Variants in CGA observed in about 807,000 individuals in gnomAD.
The protein encoded by CGA is glycoprotein hormones, alpha polypeptide.
A neutral mutation model predicts 12.0 loss-of-function variants in CGA; 4 were observed. The observed-to-expected ratio is 0.33, with a 90% CI of 0.16 to 0.76. The LOEUF is 0.76. Ranked by LOEUF, CGA falls within the 30% of genes least tolerant of loss-of-function variation. The pLI is 0.60. For synonymous variants in CGA, 60 were observed against 56.6 expected (o/e 1.06, Z -0.27); for missense variants, 102 against 143.5 (o/e 0.71, Z 1.48).
At chr6:87,086,992 T>A (rs1313803776) in intron 2 of CGA, among the ~76,000 whole-genome samples, 1 of 151,772 alleles carries the variant, frequency 6.6e-6, no homozygotes, top group African/African-American at 2.4e-5. Context: ...GGCAGAAGAA[T>A]CACTAGAACC....
At chr6:87,086,459 G>A (rs750514575) in intron 2 of CGA, 25 bp from the exon 3 acceptor site, 1 of 1,577,678 alleles carries the variant, frequency 6.3e-7, no homozygotes, top group South Asian at 1.2e-5. Context: ...AAAAGGCAGA[G>A]TAAAATATCC....
intron 1 of CGA, among the ~76,000 whole-genome samples, chr6:87,091,713 C>G (rs1049450066): frequency 2.0e-5 from 3 of 152,166 alleles, no homozygotes; most frequent in African/African-American, 7.2e-5. Flanking sequence ...CTTTTCAGTT[C>G]ATCTACTTCA....
intron 1 of CGA, among the ~76,000 whole-genome samples, chr6:87,092,909 G>A (rs955015078): frequency 4.6e-5 from 7 of 151,834 alleles, no homozygotes; most frequent in African/African-American, 1.5e-4. Context: ...CAGCAAGCCC[G>A]GCTAATTTGG....
In CGA at chr6:87,085,651, GGTAAGGA is replaced by G. The variant is rs1769304080; in HGVS notation, c.*98_*104del. On this transcript the variant is annotated 3_prime_UTR_variant, in exon 4 of 4. Coordinates refer to ENST00000627148, the MANE Select transcript of CGA (RefSeq NM_000735.4). ...TCCTTGAAGCGTGTCAAAGTGGTAT[GGTAAGGA>G]AAAGGAGAGTTTTATCTCACAAAGC... is the stretch of plus-strand genomic sequence containing the variant. The G allele has an allele frequency of 1.3e-6, 1 of 771,916 alleles. No individual in the cohort carries two copies. The allele number at this position is 771,916 out of a possible 1,614,324, so 47.8% of individuals were successfully genotyped here.
chr6:87,086,405 G>C lies in CGA; in HGVS notation c.118C>G (p.Pro40Ala). The change falls in exon 3 of 4, where the codon CCA becomes GCA. Residue 40 changes from proline (P) to alanine (A), a missense_variant. Transcript: ENST00000627148. ...DCPECTLQEN[P>A]FFSQPGAPIL... is the part of the protein sequence containing the mutation. The stretch of plus-strand genomic sequence containing the variant: ...GGGGCACCCGGCTGGGAGAAGAATG[G>C]GTTTTCCTGTAGCGTGCATTCTGGG... 2.5e-6 allele frequency: 4 copies of C among 1,612,556 alleles called. No homozygotes were observed. Among genetic ancestry groups the C allele is most frequent in the South Asian group, 2.2e-5 (2 of 90,740 alleles).
chr6:87,087,897 C>A, intron 2 of CGA: 1 of 343,482 alleles, frequency 2.9e-6, no homozygotes, highest in Non-Finnish European at 5.2e-6. Context: ...GTATAGGCTG[C>A]TGCATAAATG....
At chr6:87,090,443 G>C (rs1769409592) in intron 1 of CGA, among the ~76,000 whole-genome samples, 2 of 151,930 alleles carry the variant, frequency 1.3e-5, no homozygotes, top group African/African-American at 4.8e-5. Flanking sequence ...TTGCAAAAGG[G>C]TAAAACAATG....
At chr6:87,086,496 G>A (rs777502297) in intron 2 of CGA, 62 bp from the exon 3 acceptor site, 2 of 1,492,836 alleles carry the variant, frequency 1.3e-6, no homozygotes, top group Non-Finnish European at 1.8e-6. Context: ...GAATCTATGA[G>A]GCCAGCACAG....
intron 1 of CGA, among the ~76,000 whole-genome samples, chr6:87,089,373 A>ATGTGTG (rs71014985): frequency 6.6e-6 from 1 of 151,162 alleles, no homozygotes; most frequent in African/African-American, 2.4e-5. Context: ...CACTAGTATT[A>ATGTGTG]TGTGTGTGTG....
At chr6:87,088,623 A>G (rs891706734) in intron 1 of CGA, among the ~76,000 whole-genome samples, 3 of 152,166 alleles carry the variant, frequency 2.0e-5, no homozygotes, top group African/African-American at 7.2e-5. Context: ...AAAATATACA[A>G]TCATTTGATG....
At position 87,085,709 on chromosome 6, in the gene CGA, C is replaced by T. The variant is rs1350702981; in HGVS notation, c.*47G>A. 7.5e-7 allele frequency: 1 copy of T among 1,330,470 alleles called. No homozygotes were observed. Among genetic ancestry groups the T allele is most frequent in the Non-Finnish European group, 1.1e-6 (1 of 927,998 alleles). The allele number at this position is 1,330,470 out of a possible 1,614,324, so 82.4% of individuals were successfully genotyped here. On this transcript the variant is annotated 3_prime_UTR_variant, in exon 4 of 4. Coordinates refer to ENST00000627148, the MANE Select transcript of CGA (RefSeq NM_000735.4). ...CATAAACACTAAACAACTTAATTTTCCATTCCAGAAAATCAGCAGTCATCA... is the reference window on the plus strand; with the variant it reads ...CATAAACACTAAACAACTTAATTTTTCATTCCAGAAAATCAGCAGTCATCA...
intron 1 of CGA, among the ~76,000 whole-genome samples, chr6:87,092,254 A>T (rs1025670790): frequency 2.0e-5 from 3 of 152,204 alleles, no homozygotes; most frequent in African/African-American, 7.2e-5. Flanking sequence ...CACGTCAAAC[A>T]GTGGTATGTC....
chr6:87,090,747 C>T (rs1344991776), intron 1 of CGA, among the ~76,000 whole-genome samples: 1 of 149,688 alleles, frequency 6.7e-6, no homozygotes, highest in African/African-American at 2.5e-5. Context: ...AAGCAATTCT[C>T]CTGCCTCAGC....
Position 87,088,104 on chromosome 6 carries a change from G to C in CGA, c.88+9C>G, listed in dbSNP as rs551251794. 5.1e-6 allele frequency: 8 copies of C among 1,572,992 alleles called. No homozygotes were observed. The highest frequency in any genetic ancestry group is 1.4e-5 in the African/African-American group (1 of 73,182). On this transcript the variant is annotated intron_variant, in intron 2 of 3. Transcript: ENST00000627148. ...CCTTATTACTTGAACCACAAATTTGGTCACGCACCCTGCACATCAGGAGCG... is the reference window on the plus strand; with the variant it reads ...CCTTATTACTTGAACCACAAATTTGCTCACGCACCCTGCACATCAGGAGCG...
intron 2 of CGA, chr6:87,087,733 A>G (rs1769350023): frequency 6.4e-6 from 1 of 155,504 alleles, no homozygotes; most frequent in Non-Finnish European, 1.4e-5. Context: ...TGTTTTTCTC[A>G]CTTGTTAACT....
Position 87,088,184 on chromosome 6 carries a change from T to C in CGA, c.17A>G (p.Lys6Arg), listed in dbSNP as rs1769358848. The change falls in exon 2 of 4, where the codon AAA (lysine) becomes AGA (arginine). Residue 6 changes from lysine to arginine, a missense_variant. Physicochemically the swap from Lys to Arg is conservative, Grantham distance 26. Coordinates refer to ENST00000627148, the MANE Select transcript of CGA (RefSeq NM_000735.4). Reference sequence around the variant, plus strand: ...TGTGACCAGAAAGATAGCTGCATATTTTCTGTAGTAATCCATGGCGCTCCT... The same window carrying C: ...TGTGACCAGAAAGATAGCTGCATATCTTCTGTAGTAATCCATGGCGCTCCT... MDYYR[K>R]YAAIFLVTLS... 2 of 1,591,456 alleles carry C rather than the reference T, an allele frequency of 1.3e-6. No homozygotes were observed. Among genetic ancestry groups the C allele is most frequent in the Non-Finnish European group, 8.6e-7 (1 of 1,167,502 alleles).
intron 2 of CGA, 136 bp from the exon 3 acceptor site, chr6:87,086,570 A>G (rs1227611817): frequency 2.7e-6 from 2 of 731,428 alleles, no homozygotes; most frequent in Non-Finnish European, 2.2e-6. Flanking sequence ...TGAGCTCAGG[A>G]GTTTGAGAGC....
intron 1 of CGA, 194 bp downstream of exon 1, chr6:87,094,816 GATA>G (rs2127756184): frequency 6.6e-6 from 1 of 152,280 alleles, no homozygotes; most frequent in South Asian, 2.1e-4. Context: ...GCTTCTGTTA[GATA>G]ACATCTTACC....
At position 87,086,418 on chromosome 6, in the gene CGA, C is replaced by T. The variant is rs760112588; in HGVS notation, c.105G>A (p.Thr35=). 5.0e-6 allele frequency: 8 copies of T among 1,603,106 alleles called. No homozygotes were observed. Among genetic ancestry groups the T allele is most frequent in the Admixed American group, 1.7e-5 (1 of 57,160 alleles). The change falls in exon 3 of 4, where the codon ACG becomes ACA. Residue 35 remains threonine, a synonymous_variant. Transcript: ENST00000627148. ...APDVQDCPEC[T]LQENPFFSQP... is the part of the protein sequence containing the mutation. Reference sequence around the variant, plus strand: ...GGGAGAAGAATGGGTTTTCCTGTAGCGTGCATTCTGGGCAATCTATCAGGG... The same window carrying T: ...GGGAGAAGAATGGGTTTTCCTGTAGTGTGCATTCTGGGCAATCTATCAGGG...
Sources: allele counts gnomAD v4.1 joint callset (sites outside exome capture counted in the v4.1 genomes callset), GRCh38; gene constraint gnomAD v4.1.1; transcripts MANE v1.5; gene names NCBI Gene and HGNC (gene_info 2026-07-23, HGNC 2026-07-21).